Variants in TSNARE1 observed in about 807,000 individuals in gnomAD.
TSNARE1 encodes t-SNARE domain-containing protein 1.
Under a neutral mutation model 62.0 loss-of-function variants are expected in TSNARE1, and 49 were observed. That is an observed-to-expected ratio of 0.79 (90% CI 0.63 to 1.00). The LOEUF is 1.00. TSNARE1 is among the 50% of genes least tolerant of loss of function. The probability of loss-of-function intolerance (pLI) is 0.00; values close to 1 mark genes in which losing one functional copy is unlikely to be tolerated. For synonymous variants in TSNARE1, 328 were observed against 294.4 expected, an observed-to-expected ratio of 1.11 and a Z score of -1.17; for missense variants, 755 against 700.1, an observed-to-expected ratio of 1.08 and a Z score of -0.88.
chr8:142,275,868 G>A (rs1187051861), intron 11 of TSNARE1: 22 of 973,068 alleles, frequency 2.3e-5, no homozygotes, highest in Non-Finnish European at 2.6e-5. Context: ...GACTGGCTCT[G>A]AGGGAGGAGG....
Position 142,354,660 on chromosome 8 carries a change from G to C in TSNARE1, c.65C>G (p.Ser22Trp). ...LGSRGPFGGP[S>W]RQGCQPLECA... ...ACCTAGGGGCTGACAGCCTTGTCTC[G>C]AAGGTCCCCCGAAAGGGCCACGGCT... Residue 22 changes from serine to tryptophan, a missense_variant, in exon 2 of 14, where the codon TCG becomes TGG. Transcript: ENST00000524325. The C allele has an allele frequency of 6.2e-7, 1 of 1,612,664 alleles. No homozygotes were observed. The highest frequency in any genetic ancestry group is 8.5e-7 in the Non-Finnish European group (1 of 1,179,498).
At chr8:142,245,974 C>A (rs909741873) in intron 12 of TSNARE1, among the ~76,000 whole-genome samples, 1 of 152,202 alleles carries the variant, frequency 6.6e-6, no homozygotes, top group African/African-American at 2.4e-5. Flanking sequence ...TTACAGGTAA[C>A]CTTCTCCACA....
At chr8:142,384,673 A>G (rs1437058635) in intron 1 of TSNARE1, among the ~76,000 whole-genome samples, 1 of 152,232 alleles carries the variant, frequency 6.6e-6, no homozygotes, top group African/African-American at 2.4e-5. Context: ...ACACACAAAA[A>G]TTATCGTGAA....
At chr8:142,256,325 CCATCTTTGCCACCATCAT>C (rs1818555555) in intron 12 of TSNARE1, among the ~76,000 whole-genome samples, 1 of 131,672 alleles carries the variant, frequency 7.6e-6, no homozygotes, top group African/African-American at 2.8e-5. Context: ...ACCACCATCA[CCATCTTTGCCACCATCAT>C]CATCACCATC....
intron 12 of TSNARE1, among the ~76,000 whole-genome samples, chr8:142,236,101 C>T (rs1817405712): frequency 6.6e-6 from 1 of 152,196 alleles, no homozygotes; most frequent in Admixed American, 6.5e-5. Context: ...TGAGGCTCTG[C>T]CCATTCGAGG....
chr8:142,382,116 G>A (rs374663557), intron 1 of TSNARE1, among the ~76,000 whole-genome samples: 3 of 152,202 alleles, frequency 2.0e-5, no homozygotes, highest in African/African-American at 7.2e-5. Context: ...GGGCCCCTGC[G>A]CATGGGCATC....
At chr8:142,316,967 A>T (rs1447178941) in intron 7 of TSNARE1, among the ~76,000 whole-genome samples, 1 of 151,934 alleles carries the variant, frequency 6.6e-6, no homozygotes, top group Non-Finnish European at 1.5e-5. Flanking sequence ...AGCCCTCCCA[A>T]GGCAGTGAGA....
intron 1 of TSNARE1, among the ~76,000 whole-genome samples, chr8:142,363,325 A>G (rs530239525): frequency 1.3e-5 from 2 of 152,226 alleles, no homozygotes; most frequent in South Asian, 4.1e-4. Flanking sequence ...AAAATGTCAT[A>G]CAGATCCATC....
chr8:142,331,926 G>A lies in TSNARE1; in HGVS notation c.746-95C>T. ...CGCTCTGGGCAGCCCCCAGGGGCAG[G>A]GACCCGACAGGCAGCAGAGTGGCCC... is the stretch of plus-strand genomic sequence containing the variant. On this transcript the variant is annotated intron_variant, in intron 4 of 13. Transcript: ENST00000524325. 4 of 1,235,282 alleles carry A rather than the reference G, an allele frequency of 3.2e-6. 1 individual carries two copies. The South Asian group carries it at 5.2e-5, about 16-fold the overall frequency. 76.5% of individuals were successfully genotyped at this position (1,235,282 alleles called of 1,614,324 possible). A position where few individuals can be genotyped will look rare whatever the true frequency, so the allele number is the denominator to read the frequency against.
intron 13 of TSNARE1, among the ~76,000 whole-genome samples, chr8:142,225,063 C>T (rs1372494644): frequency 1.3e-5 from 2 of 152,152 alleles, no homozygotes; most frequent in African/African-American, 2.4e-5. Flanking sequence ...TACATCCAAA[C>T]TGCCAGGAGT....
chr8:142,279,936 A>C, intron 11 of TSNARE1: 2 of 1,081,164 alleles, frequency 1.8e-6, no homozygotes, highest in African/African-American at 1.7e-5. Context: ...TGCGCTCCAC[A>C]GGTGTGAGGA....
intron 10 of TSNARE1, among the ~76,000 whole-genome samples, chr8:142,290,433 T>C (rs183311263): frequency 6.6e-6 from 1 of 152,308 alleles, no homozygotes; most frequent in East Asian, 1.9e-4. Context: ...CTCATGGAAT[T>C]TTCTTTCTCT....
rs538950401 is a variant in TSNARE1 at position 142,257,925 on chromosome 8, C to T, written c.1446+16856G>A. Among the ~76,000 whole-genome samples, 8 of 152,128 alleles carry T rather than the reference C, an allele frequency of 5.3e-5. No homozygotes were observed. The South Asian group carries it at 8.3e-4, about 16-fold the overall frequency. On this transcript the variant is annotated intron_variant, in intron 12 of 13. Transcript: ENST00000524325. ...CTGGGTGAGCATAAGAGCTTGAGCA[C>T]GCATACGCACACAACACCCAAGCTC... is the stretch of plus-strand genomic sequence containing the variant.
intron 1 of TSNARE1, among the ~76,000 whole-genome samples, chr8:142,376,047 A>ATGGTCCCAGCAGAGTCGG (rs1486653653): frequency 1.3e-5 from 2 of 152,178 alleles, no homozygotes; most frequent in Non-Finnish European, 2.9e-5. Context: ...TACGGAAAAC[A>ATGGTCCCAGCAGAGTCGG]TGGTCCCAGC....
chr8:142,368,782 GTCC>G (rs1835733447), intron 1 of TSNARE1, among the ~76,000 whole-genome samples: 1 of 152,154 alleles, frequency 6.6e-6, no homozygotes, highest in Non-Finnish European at 1.5e-5. Context: ...AAGAATAAAA[GTCC>G]AAGCCTATGG....
chr8:142,354,649 A>G lies in TSNARE1; in HGVS notation c.76T>C (p.Cys26Arg), dbSNP rs759668810. The change falls in exon 2 of 14, where the codon TGT becomes CGT. Residue 26 changes from cysteine (C) to arginine (R), a missense_variant. By Grantham distance (180) the Cys-to-Arg change is radical. Transcript: ENST00000524325. Reference sequence around the variant, plus strand: ...CTACTATCATTACCTAGGGGCTGACAGCCTTGTCTCGAAGGTCCCCCGAAA... The same window carrying G: ...CTACTATCATTACCTAGGGGCTGACGGCCTTGTCTCGAAGGTCCCCCGAAA... ...GPFGGPSRQGCQPLECARCWT... is the reference protein window; with the variant it reads ...GPFGGPSRQGRQPLECARCWT... 1.4e-5 allele frequency: 22 copies of G among 1,612,188 alleles called. No individual in the cohort carries two copies. The highest frequency in any genetic ancestry group is 1.9e-5 in the Non-Finnish European group (22 of 1,179,218).
chr8:142,268,595 T>C (rs1223459609), intron 12 of TSNARE1, among the ~76,000 whole-genome samples: 2 of 152,134 alleles, frequency 1.3e-5, no homozygotes, highest in African/African-American at 4.8e-5. Flanking sequence ...CCTTCCGTCT[T>C]AGTAACAAAA....
chr8:142,264,496 T>G (rs1054845491), intron 12 of TSNARE1, among the ~76,000 whole-genome samples: 11 of 152,188 alleles, frequency 7.2e-5, no homozygotes, highest in African/African-American at 2.2e-4. Flanking sequence ...TCCCCATCAA[T>G]CTCTAAAACA....
At chr8:142,275,799 G>A in intron 11 of TSNARE1, 4 of 985,404 alleles carry the variant, frequency 4.1e-6, no homozygotes, top group Non-Finnish European at 4.8e-6. Context: ...GGGGTCTTAA[G>A]GCCTGGGATA....
Sources: allele counts gnomAD v4.1 joint callset (sites outside exome capture counted in the v4.1 genomes callset), GRCh38; gene constraint gnomAD v4.1.1; transcripts MANE v1.5; gene names NCBI Gene and HGNC (gene_info 2026-07-23, HGNC 2026-07-21).